Variants in MBD2 observed in about 807,000 individuals in gnomAD.
MBD2 encodes the protein methyl-CpG binding domain protein 2, also known as methyl-CpG-binding domain protein 2.
In MBD2, 9 loss-of-function variants were observed where a neutral mutation model predicts 39.3. That is an observed-to-expected ratio of 0.23 (90% CI 0.14 to 0.40). MBD2 has a LOEUF of 0.40. Among genes scored for constraint, MBD2 ranks in the 10% least tolerant of loss-of-function variants. The pLI is 1.00. For synonymous variants in MBD2, 233 were observed against 211.1 expected, an observed-to-expected ratio of 1.10 and a Z score of -0.90; for missense variants, 458 against 532.6, an observed-to-expected ratio of 0.86 and a Z score of 1.38.
intron 1 of MBD2, among the ~76,000 whole-genome samples, chr18:54,208,416 C>G (rs2144336231): frequency 6.6e-6 from 1 of 152,300 alleles, no homozygotes; most frequent in South Asian, 2.1e-4. Flanking sequence ...CGCTTGAACC[C>G]AGGAGACAGA....
Position 54,173,123 on chromosome 18 carries a change from C to T in MBD2, c.841-6957G>A, listed in dbSNP as rs112485645. On this transcript the variant is annotated intron_variant, in intron 3 of 6. Coordinates refer to ENST00000256429, the MANE Select transcript of MBD2 (RefSeq NM_003927.5). Reference sequence around the variant, plus strand: ...CTGAGCACATGAATATGAATCTTCCCTTCCCTTCCCTTTCAGTTGGGGATT... The same window carrying T: ...CTGAGCACATGAATATGAATCTTCCTTTCCCTTCCCTTTCAGTTGGGGATT... Among the ~76,000 whole-genome samples, 825 of 152,204 alleles carry T rather than the reference C, an allele frequency of 5.4e-3. 10 individuals carry two copies. The highest frequency in any genetic ancestry group is 0.017 in the African/African-American group (710 of 41,534).
At chr18:54,185,414 A>G (rs1383859219) in intron 3 of MBD2, among the ~76,000 whole-genome samples, 1 of 152,214 alleles carries the variant, frequency 6.6e-6, no homozygotes, top group Non-Finnish European at 1.5e-5. Context: ...TTAGCCCTCT[A>G]TAATCTAATA....
intron 1 of MBD2, among the ~76,000 whole-genome samples, chr18:54,218,020 A>G: frequency 6.6e-6 from 1 of 152,326 alleles, no homozygotes; most frequent in East Asian, 1.9e-4. Context: ...TCAATCACAC[A>G]ACATCAAGAG....
chr18:54,202,635 G>A, intron 2 of MBD2: 1 of 845,948 alleles, frequency 1.2e-6, no homozygotes, highest in South Asian at 5.0e-5. Flanking sequence ...AAAAATTAAG[G>A]CAGAAAGCTT....
intron 3 of MBD2, chr18:54,187,775 A>AG (rs2086294712): frequency 1.0e-6 from 1 of 985,718 alleles, no homozygotes; most frequent in Non-Finnish European, 1.2e-6. Context: ...TCAAATCTTG[A>AG]GACATCTATA....
At chr18:54,213,089 G>GGGC (rs1223879021) in intron 1 of MBD2, among the ~76,000 whole-genome samples, 1 of 132,326 alleles carries the variant, frequency 7.6e-6, no homozygotes, top group African/African-American at 2.7e-5. Context: ...TGGGGGCGGG[G>GGGC]GGGGGGATTA....
rs2086034532 is a variant in MBD2 at position 54,153,587 on chromosome 18, C to T, written c.*1737G>A. The T allele has an allele frequency of 6.6e-6, 1 of 152,160 alleles. No individual in the cohort carries two copies. The highest frequency in any genetic ancestry group is 6.5e-5 in the Admixed American group (1 of 15,280). The allele number at this position is 152,160 out of a possible 1,614,324, so 9.4% of individuals were successfully genotyped here. On this transcript the variant is annotated 3_prime_UTR_variant, in exon 7 of 7. Transcript: ENST00000256429. ...ATATATGATCACCAAGGTGAAGTTA[C>T]CCCAACCCTGATCACAAATGAAGAA...
chr18:54,224,323 G>A lies in MBD2; in HGVS notation c.237C>T (p.Gly79=), dbSNP rs1317242259. Residue 79 remains glycine (G), a synonymous_variant, in exon 1 of 7, where the codon GGC becomes GGT. Coordinates refer to ENST00000256429, the MANE Select transcript of MBD2 (RefSeq NM_003927.5). ...GTCCCCGTCCCCGGCCACGGCCCCG[G>A]CCCCGGCCACGGCCACAGACGCCGC... The part of the protein sequence containing the change: ...RGGGVCGRGR[G]RGRGRGRGRG... 3.0e-6 allele frequency: 3 copies of A among 1,000,182 alleles called. No homozygotes were observed. Among genetic ancestry groups the A allele is most frequent in the Non-Finnish European group, 3.6e-6 (3 of 837,880 alleles). 62.0% of individuals were successfully genotyped at this position (1,000,182 alleles called of 1,614,324 possible). A position where few individuals can be genotyped will look rare whatever the true frequency, so the allele number is the denominator to read the frequency against.
intron 3 of MBD2, among the ~76,000 whole-genome samples, chr18:54,167,992 T>A (rs181713162): frequency 6.7e-6 from 1 of 149,990 alleles, no homozygotes; most frequent in Admixed American, 6.6e-5. Flanking sequence ...AAATTTCTAA[T>A]GACAAAGCAT....
At position 54,164,659 on chromosome 18, in the gene MBD2, C is replaced by T. The variant is rs1163965879; in HGVS notation, c.973G>A (p.Val325Ile). The change falls in exon 5 of 7, where the codon GTT becomes ATT. Residue 325 changes from valine (V) to isoleucine (I), a missense_variant. Around this residue, in one of 2 missense-constraint regions of MBD2, gnomAD observed 189 missense variants for 296.6 expected, o/e 0.64. Transcript: ENST00000256429. Reference protein sequence around the residue: ...GSNDETLLSAVASALHTSSAP... With the variant: ...GSNDETLLSAIASALHTSSAP... ...GAGCTTGTGTGCAAAGCACTGGCAA[C>T]AGCAGATAAAAGGGTCTCATCATTG... The T allele has an allele frequency of 1.9e-6, 3 of 1,613,546 alleles. No individual in the cohort carries two copies. The highest frequency in any genetic ancestry group is 1.7e-6 in the Non-Finnish European group (2 of 1,179,632).
At chr18:54,206,493 A>C (rs977790566) in intron 1 of MBD2, among the ~76,000 whole-genome samples, 3 of 152,228 alleles carry the variant, frequency 2.0e-5, no homozygotes, top group African/African-American at 7.2e-5. Context: ...CAATAAAAGA[A>C]AAATAACTCA....
At chr18:54,222,045 T>A (rs578137300) in intron 1 of MBD2, among the ~76,000 whole-genome samples, 1 of 152,256 alleles carries the variant, frequency 6.6e-6, no homozygotes, top group Non-Finnish European at 1.5e-5. Context: ...AGTCATCTAT[T>A]CCTCAAGGAG....
At chr18:54,199,191 C>T (rs1398165957) in intron 2 of MBD2, among the ~76,000 whole-genome samples, 1 of 152,142 alleles carries the variant, frequency 6.6e-6, no homozygotes, top group East Asian at 1.9e-4. Flanking sequence ...TCTCTCATTT[C>T]CCAGAAACTT....
At chr18:54,156,415 G>A (rs965113888) in intron 6 of MBD2, among the ~76,000 whole-genome samples, 21 of 152,134 alleles carry the variant, frequency 1.4e-4, no homozygotes, top group African/African-American at 4.6e-4. Context: ...ACATTAGTTT[G>A]TTATTACTAT....
At chr18:54,190,243 A>T (rs980067022) in intron 2 of MBD2, among the ~76,000 whole-genome samples, 8 of 152,148 alleles carry the variant, frequency 5.3e-5, no homozygotes, top group African/African-American at 1.9e-4. Context: ...TCATTTTGTT[A>T]TAACGATGAG....
At chr18:54,210,208 G>A (rs1379515207) in intron 1 of MBD2, among the ~76,000 whole-genome samples, 1 of 151,532 alleles carries the variant, frequency 6.6e-6, no homozygotes, top group Non-Finnish European at 1.5e-5. Flanking sequence ...AAGCCCTGAA[G>A]AAACATACTA....
chr18:54,182,300 T>A (rs986929755), intron 3 of MBD2, among the ~76,000 whole-genome samples: 2 of 152,208 alleles, frequency 1.3e-5, no homozygotes, highest in Non-Finnish European at 2.9e-5. Flanking sequence ...CACTAAGGAA[T>A]GTCTCTAAAT....
chr18:54,202,888 G>C (rs1462070037), intron 2 of MBD2: 2 of 1,203,330 alleles, frequency 1.7e-6, no homozygotes. Context: ...CAAAGCACCA[G>C]GGAAGCATTA....
chr18:54,204,501 C>T (rs1225874191), intron 2 of MBD2, among the ~76,000 whole-genome samples: 1 of 152,002 alleles, frequency 6.6e-6, no homozygotes, highest in Non-Finnish European at 1.5e-5. Context: ...CCAAACAGCT[C>T]GATAAAACTA....
Sources: allele counts gnomAD v4.1 joint callset (sites outside exome capture counted in the v4.1 genomes callset), GRCh38; gene constraint gnomAD v4.1.1; regional missense constraint gnomAD v4.1.1; transcripts MANE v1.5; gene names NCBI Gene and HGNC (gene_info 2026-07-23, HGNC 2026-07-21).